MMP26: variants seen among roughly 807,000 people sequenced by gnomAD.
The protein encoded by MMP26 is matrix metallopeptidase 26.
Under a neutral mutation model 31.0 loss-of-function variants are expected in MMP26, and 33 were observed. The ratio of observed to expected loss-of-function variants is 1.06; its 90% CI spans 0.81 to 1.42. The LOEUF (loss-of-function observed/expected upper bound fraction) is 1.42, where lower values mean the gene tolerates loss of function less well. MMP26 is among the 40% of genes most tolerant of loss of function. The pLI is 0.00. For synonymous variants in MMP26, 122 were observed against 114.9 expected, an observed-to-expected ratio of 1.06 and a Z score of -0.40; for missense variants, 347 against 316.1, an observed-to-expected ratio of 1.10 and a Z score of -0.74.
intron 4 of MMP26, 89 bp downstream of exon 4, chr11:4,989,957 C>G (rs993001623): frequency 1.9e-6 from 2 of 1,065,302 alleles, no homozygotes; most frequent in Non-Finnish European, 2.7e-6. Flanking sequence ...TACCTCTACT[C>G]TCTTCTGCTT....
intron 1 of MMP26, among the ~76,000 whole-genome samples, chr11:4,762,166 T>A (rs895544329): frequency 1.3e-5 from 2 of 152,148 alleles, no homozygotes; most frequent in African/African-American, 2.4e-5. Context: ...ACAAAATCAG[T>A]GGTCAGTAAT....
chr11:4,769,131 C>A (rs770812485), intron 2 of MMP26: 1 of 1,610,890 alleles, frequency 6.2e-7, no homozygotes, highest in Non-Finnish European at 8.5e-7. Flanking sequence ...TAGCGATACA[C>A]CAAGGACAGG....
intron 2 of MMP26, among the ~76,000 whole-genome samples, chr11:4,873,572 A>G (rs905605840): frequency 6.6e-6 from 1 of 152,108 alleles, no homozygotes; most frequent in African/African-American, 2.4e-5. Flanking sequence ...TATATAAATA[A>G]TATATATGAA....
chr11:4,923,645 G>A, intron 2 of MMP26: 1 of 1,614,014 alleles, frequency 6.2e-7, no homozygotes, highest in Non-Finnish European at 8.5e-7. Flanking sequence ...CTCCTGGTGG[G>A]AGGCAATGCT....
chr11:4,915,386 C>G (rs769587652), intron 2 of MMP26: 3 of 1,613,884 alleles, frequency 1.9e-6, no homozygotes, highest in African/African-American at 1.3e-5. Context: ...TTCTCGTGCT[C>G]CAACCCAAAA....
intron 2 of MMP26, chr11:4,770,012 TTTAG>T (rs2133421441): frequency 3.0e-6 from 2 of 669,018 alleles, no homozygotes; most frequent in East Asian, 5.4e-5. Flanking sequence ...TACATTTTCT[TTTAG>T]TTAGTAGAGT....
chr11:4,841,515 A>G (rs1289638964), intron 2 of MMP26, among the ~76,000 whole-genome samples: 1 of 152,208 alleles, frequency 6.6e-6, no homozygotes, highest in African/African-American at 2.4e-5. Flanking sequence ...AGTGCTCTCA[A>G]GGAAGAGTTC....
chr11:4,847,149 C>A (rs1042425849), intron 2 of MMP26, among the ~76,000 whole-genome samples: 1 of 152,210 alleles, frequency 6.6e-6, no homozygotes, highest in Non-Finnish European at 1.5e-5. Context: ...GCTTTTATCA[C>A]ATCCACTAAC....
intron 2 of MMP26, among the ~76,000 whole-genome samples, chr11:4,979,183 A>T (rs941615930): frequency 2.6e-5 from 4 of 152,156 alleles, no homozygotes; most frequent in African/African-American, 9.6e-5. Context: ...CTTGGCTTGC[A>T]TCCACACAGG....
intron 2 of MMP26, chr11:4,915,612 G>T: frequency 6.2e-7 from 1 of 1,614,064 alleles, no homozygotes; most frequent in Non-Finnish European, 8.5e-7. Flanking sequence ...CCACTCAGCA[G>T]GAAGGTAGCA....
chr11:4,739,150 A>T (rs547606081), intron 1 of MMP26, among the ~76,000 whole-genome samples: 302 of 152,312 alleles, frequency 2.0e-3, no homozygotes, highest in Non-Finnish European at 2.5e-3. Context: ...CAGAGGCCTG[A>T]TATAAGACAC....
At chr11:4,856,141 T>G (rs1352357733) in intron 2 of MMP26, among the ~76,000 whole-genome samples, 6 of 152,162 alleles carry the variant, frequency 3.9e-5, no homozygotes, top group Non-Finnish European at 7.3e-5. Context: ...AGACCATCGA[T>G]GCTAGGAAGA....
At chr11:4,908,294 G>GCT in intron 2 of MMP26, 1 of 1,613,762 alleles carries the variant, frequency 6.2e-7, no homozygotes, top group Non-Finnish European at 8.5e-7. Flanking sequence ...GTTGCTTAAT[G>GCT]TATGTGGGAG....
intron 2 of MMP26, among the ~76,000 whole-genome samples, chr11:4,916,374 C>G (rs1281214861): frequency 6.8e-6 from 1 of 146,470 alleles, no homozygotes. Flanking sequence ...TTAACTTTGC[C>G]TGCCTCTTAC....
chr11:4,858,849 G>A (rs1850098791), intron 2 of MMP26, among the ~76,000 whole-genome samples: 2 of 152,094 alleles, frequency 1.3e-5, no homozygotes, highest in Admixed American at 1.3e-4. Context: ...AACCAAAACA[G>A]CATGGTACTG....
intron 2 of MMP26, among the ~76,000 whole-genome samples, chr11:4,816,690 G>A (rs1849424020): frequency 6.8e-6 from 1 of 147,356 alleles, no homozygotes; most frequent in Non-Finnish European, 1.5e-5. Flanking sequence ...TGATGAATGG[G>A]TGCCTTCTTT....
intron 2 of MMP26, among the ~76,000 whole-genome samples, chr11:4,823,847 T>A (rs541266083): frequency 5.3e-5 from 8 of 152,158 alleles, no homozygotes; most frequent in African/African-American, 1.4e-4. Context: ...CGAAAAATTA[T>A]TGGGCTGACT....
chr11:4,988,330 C>T lies in MMP26; in HGVS notation c.99+20C>T, dbSNP rs183752546. 4.8e-4 allele frequency: 758 copies of T among 1,586,366 alleles called. 1 individual carries two copies. The highest frequency in any genetic ancestry group is 6.2e-4 in the Non-Finnish European group (713 of 1,154,698). On this transcript the variant is annotated intron_variant, in intron 3 of 7. Coordinates refer to ENST00000380390, the MANE Select transcript of MMP26 (RefSeq NM_021801.5). ...GTTGAGGTAGGTGAACGACTCAGGA[C>T]CACATTATTACATGGTGACCATTGT...
rs75972633 is a variant in MMP26 at position 4,987,272 on chromosome 11, C to A, written c.-144-796C>A. ...TATACATATACATAAACATGTACAT[C>A]TATAGACGTGTGCGTGTCAACTTAT... On this transcript the variant is annotated intron_variant, in intron 2 of 7. Coordinates refer to ENST00000380390, the MANE Select transcript of MMP26 (RefSeq NM_021801.5). Among the ~76,000 whole-genome samples the A allele has an allele frequency of 2.0e-4, 30 of 152,104 alleles. No individual in the cohort carries two copies. In the East Asian group the frequency reaches 5.6e-3, roughly 28 times the overall value.
Sources: allele counts gnomAD v4.1 joint callset (sites outside exome capture counted in the v4.1 genomes callset), GRCh38; gene constraint gnomAD v4.1.1; transcripts MANE v1.5; gene names NCBI Gene and HGNC (gene_info 2026-07-23, HGNC 2026-07-21).